The following CNTNAP2 variants were observed in gnomAD, a reference collection of about 807,000 sequenced individuals.
The protein encoded by CNTNAP2 is contactin-associated protein-like 2.
A neutral mutation model predicts 155.2 loss-of-function variants in CNTNAP2; 98 were observed. That is an observed-to-expected ratio of 0.63 (90% CI 0.54 to 0.75). The LOEUF (loss-of-function observed/expected upper bound fraction) is 0.75. CNTNAP2 is among the 30% of genes least tolerant of loss of function. The pLI, the probability that CNTNAP2 is intolerant of heterozygous loss-of-function variation, is 0.00. For missense variants in CNTNAP2, 1,727 were observed against 1,688.1 expected (o/e 1.02, Z -0.40); for synonymous variants, 651 against 631.2 (o/e 1.03, Z -0.47).
chr7:146,449,237 A>G (rs528542797), intron 1 of CNTNAP2, among the ~76,000 whole-genome samples: 1 of 151,848 alleles, frequency 6.6e-6, no homozygotes, highest in East Asian at 1.9e-4. Context: ...AGGAATGTTT[A>G]TTATTTCTTG....
chr7:146,578,549 G>A (rs181471483), intron 1 of CNTNAP2, among the ~76,000 whole-genome samples: 1,531 of 152,102 alleles, frequency 0.01, 16 homozygotes, highest in Non-Finnish European at 0.016. Context: ...TTCCGTAAGA[G>A]GTTACAGTAC....
chr7:147,529,950 A>G lies in CNTNAP2; in HGVS notation c.1778-32188A>G, dbSNP rs76042898. ...AAGTTTAACTATCTCTCTGGCTATT[A>G]GTGTTTATTTATTCAAGAAAGGTCC... On this transcript the variant is annotated intron_variant, in intron 11 of 23. Coordinates refer to ENST00000361727, the MANE Select transcript of CNTNAP2 (RefSeq NM_014141.6). Among the ~76,000 whole-genome samples the G allele has an allele frequency of 7.2e-3, 1,103 of 152,294 alleles. 9 individuals are homozygous for G. Among genetic ancestry groups the G allele is most frequent in the Non-Finnish European group, 0.011 (756 of 68,032 alleles).
chr7:148,056,051 C>A (rs1331625806), intron 15 of CNTNAP2, among the ~76,000 whole-genome samples: 1 of 152,188 alleles, frequency 6.6e-6, no homozygotes, highest in Non-Finnish European at 1.5e-5. Flanking sequence ...TTCACTCCAA[C>A]CTTCTCTCAG....
intron 2 of CNTNAP2, among the ~76,000 whole-genome samples, chr7:146,833,817 C>T (rs928249462): frequency 1.3e-5 from 2 of 152,200 alleles, no homozygotes; most frequent in South Asian, 4.1e-4. Context: ...TGTCTGGCCT[C>T]GGCTTCAGCC....
intron 14 of CNTNAP2, among the ~76,000 whole-genome samples, chr7:147,951,095 A>T (rs1029376731): frequency 1.3e-5 from 2 of 152,204 alleles, no homozygotes; most frequent in African/African-American, 4.8e-5. Context: ...CTTGGTAATT[A>T]TCTGATAGCG....
chr7:147,270,938 A>T (rs761476668), intron 8 of CNTNAP2, among the ~76,000 whole-genome samples: 34 of 151,354 alleles, frequency 2.2e-4, no homozygotes, highest in Non-Finnish European at 5.9e-5. Context: ...TTAGTCCATG[A>T]CTCTTCTCTT....
At chr7:146,841,858 G>T (rs1159316687) in intron 3 of CNTNAP2, among the ~76,000 whole-genome samples, 1 of 151,434 alleles carries the variant, frequency 6.6e-6, no homozygotes, top group South Asian at 2.1e-4. Context: ...AGGCTAAGGA[G>T]GATAAAATTG....
At chr7:147,493,001 TAAAAA>T (rs756449677) in intron 11 of CNTNAP2, among the ~76,000 whole-genome samples, 8 of 152,062 alleles carry the variant, frequency 5.3e-5, no homozygotes, top group African/African-American at 1.9e-4. Context: ...TAAAGTATAA[TAAAAA>T]AAAGTGCTTT....
At chr7:147,547,696 G>C (rs2116758156) in intron 11 of CNTNAP2, among the ~76,000 whole-genome samples, 1 of 151,850 alleles carries the variant, frequency 6.6e-6, no homozygotes, top group East Asian at 1.9e-4. Context: ...TTGTTACATA[G>C]GTCTACGTGT....
At chr7:146,216,227 G>T (rs1799110440) in intron 1 of CNTNAP2, among the ~76,000 whole-genome samples, 1 of 152,142 alleles carries the variant, frequency 6.6e-6, no homozygotes, top group South Asian at 2.1e-4. Context: ...AGAAGCCAGG[G>T]GTTGGCTTTC....
intron 3 of CNTNAP2, among the ~76,000 whole-genome samples, chr7:146,943,877 AAC>A (rs1462182812): frequency 6.6e-6 from 1 of 152,188 alleles, no homozygotes; most frequent in African/African-American, 2.4e-5. Context: ...TGATTAGCAT[AAC>A]ACAGCATTTT....
intron 8 of CNTNAP2, among the ~76,000 whole-genome samples, chr7:147,166,672 TA>T (rs1263057477): frequency 3.3e-5 from 5 of 151,690 alleles, no homozygotes; most frequent in East Asian, 1.9e-4. Flanking sequence ...TGAAGGGAGA[TA>T]GGGGTGGGGC....
intron 3 of CNTNAP2, among the ~76,000 whole-genome samples, chr7:146,874,008 T>G: frequency 6.6e-6 from 1 of 152,226 alleles, no homozygotes; most frequent in South Asian, 2.1e-4. Flanking sequence ...TGCTAAAATG[T>G]CACACATTTC....
chr7:146,838,616 T>TCAAA (rs74369189), intron 2 of CNTNAP2, among the ~76,000 whole-genome samples: 64,032 of 151,804 alleles, frequency 0.42, 16,551 homozygotes, highest in African/African-American at 0.73. Flanking sequence ...CTGAGCCCAG[T>TCAAA]CAGTTATTTT....
chr7:146,580,440 A>C (rs1183175680), intron 1 of CNTNAP2, among the ~76,000 whole-genome samples: 1 of 149,206 alleles, frequency 6.7e-6, no homozygotes, highest in Non-Finnish European at 1.5e-5. Context: ...CCTCAGAACA[A>C]CTCTGAAAAC....
At chr7:148,137,911 T>G (rs1401569912) in intron 16 of CNTNAP2, among the ~76,000 whole-genome samples, 1 of 152,254 alleles carries the variant, frequency 6.6e-6, no homozygotes, top group African/African-American at 2.4e-5. Flanking sequence ...TCTGAGCCTA[T>G]AGCATGTAGT....
At chr7:146,149,879 G>GAAA (rs377385260) in intron 1 of CNTNAP2, among the ~76,000 whole-genome samples, 5 of 59,506 alleles carry the variant, frequency 8.4e-5, no homozygotes, top group Admixed American at 2.0e-4. Flanking sequence ...TAGCCACAAA[G>GAAA]AAAAAAAAAA....
intron 1 of CNTNAP2, among the ~76,000 whole-genome samples, chr7:146,126,033 A>G (rs1333486370): frequency 1.3e-5 from 2 of 152,166 alleles, no homozygotes; most frequent in African/African-American, 4.8e-5. Flanking sequence ...CTTTATGTGT[A>G]CTAGGTCATT....
intron 9 of CNTNAP2, among the ~76,000 whole-genome samples, chr7:147,319,597 A>G (rs1036301781): frequency 5.3e-5 from 8 of 152,144 alleles, no homozygotes; most frequent in African/African-American, 1.7e-4. Flanking sequence ...AGGCTTGTTT[A>G]GAACTCCTGA....
Sources: allele counts gnomAD v4.1 joint callset (sites outside exome capture counted in the v4.1 genomes callset), GRCh38; gene constraint gnomAD v4.1.1; transcripts MANE v1.5; gene names NCBI Gene and HGNC (gene_info 2026-07-23, HGNC 2026-07-21).